DTNB: variants seen among roughly 807,000 people sequenced by gnomAD.
The protein encoded by DTNB is dystrobrevin beta.
Under a neutral mutation model 90.7 loss-of-function variants are expected in DTNB, and 63 were observed. The observed-to-expected ratio is 0.69, with a 90% CI of 0.57 to 0.86. The LOEUF is 0.86. Ranked by LOEUF, DTNB falls within the 40% of genes least tolerant of loss-of-function variation. The pLI is 0.00. For missense variants in DTNB, 744 were observed against 807.1 expected, an observed-to-expected ratio of 0.92 and a Z score of 0.95; for synonymous variants, 277 against 286.7, an observed-to-expected ratio of 0.97 and a Z score of 0.34.
intron 3 of DTNB, among the ~76,000 whole-genome samples, chr2:25,632,530 A>C (rs1468021919): frequency 6.6e-6 from 1 of 152,148 alleles, no homozygotes; most frequent in Non-Finnish European, 1.5e-5. Flanking sequence ...GCCTTCATCC[A>C]CCCATGGATT....
chr2:25,652,510 TG>T (rs1238311475), intron 2 of DTNB, 83 bp downstream of exon 2: 19 of 1,383,158 alleles, frequency 1.4e-5, no homozygotes, highest in Admixed American at 7.1e-5. Flanking sequence ...AAGTTGTAAC[TG>T]ATTAAAGCTA....
intron 14 of DTNB, among the ~76,000 whole-genome samples, chr2:25,428,961 A>G (rs77556930): frequency 0.018 from 2,754 of 152,296 alleles, 66 homozygotes; most frequent in African/African-American, 0.063. Flanking sequence ...AAACAAAGCT[A>G]TGTTCATTTC....
intron 12 of DTNB, among the ~76,000 whole-genome samples, chr2:25,439,626 G>A (rs1246690809): frequency 1.3e-5 from 2 of 152,128 alleles, no homozygotes; most frequent in Non-Finnish European, 1.5e-5. Flanking sequence ...TTGGCTACTC[G>A]GTGGAGAATT....
intron 9 of DTNB, among the ~76,000 whole-genome samples, chr2:25,529,831 G>T (rs2077818686): frequency 6.6e-6 from 1 of 152,114 alleles, no homozygotes; most frequent in Non-Finnish European, 1.5e-5. Flanking sequence ...TTTAACCCTT[G>T]ATCAATCTCA....
chr2:25,558,400 G>C (rs2057719369), intron 8 of DTNB: 2 of 985,276 alleles, frequency 2.0e-6, no homozygotes, highest in Admixed American at 1.2e-4. Flanking sequence ...TGCAGCTCTG[G>C]TGGCCATCTG....
chr2:25,669,702 C>G (rs80003718), intron 1 of DTNB, among the ~76,000 whole-genome samples: 1 of 152,082 alleles, frequency 6.6e-6, no homozygotes, highest in Non-Finnish European at 1.5e-5. Context: ...AGTCCACAAC[C>G]GGGCCAGGTG....
intron 5 of DTNB, among the ~76,000 whole-genome samples, chr2:25,597,703 C>A (rs2148421006): frequency 6.6e-6 from 1 of 152,146 alleles, no homozygotes; most frequent in East Asian, 1.9e-4. Flanking sequence ...TAAAAGATGA[C>A]CCTAGTAGAA....
intron 9 of DTNB, among the ~76,000 whole-genome samples, chr2:25,517,130 C>A (rs1390112536): frequency 6.6e-6 from 1 of 152,082 alleles, no homozygotes; most frequent in African/African-American, 2.4e-5. Context: ...AAAAGAATGA[C>A]CTATTTATTC....
intron 4 of DTNB, among the ~76,000 whole-genome samples, chr2:25,610,082 T>C (rs1278300394): frequency 2.0e-5 from 3 of 152,080 alleles, no homozygotes; most frequent in African/African-American, 7.3e-5. Flanking sequence ...GTGTGAAGTC[T>C]GACTTAGGTG....
intron 16 of DTNB, among the ~76,000 whole-genome samples, chr2:25,404,240 A>G (rs1377495747): frequency 1.3e-5 from 2 of 152,192 alleles, no homozygotes; most frequent in African/African-American, 4.8e-5. Flanking sequence ...ACGGGATGTA[A>G]CAGGTGCCAC....
chr2:25,435,793 A>G (rs2055547681), intron 12 of DTNB, among the ~76,000 whole-genome samples: 1 of 152,234 alleles, frequency 6.6e-6, no homozygotes, highest in South Asian at 2.1e-4. Context: ...AGAAACTGCC[A>G]AACTGTTTTC....
rs60610400 is a variant in DTNB, at chr2:25,432,206, TACACACACAC to T, written c.1457+670_1457+679del. The stretch of plus-strand genomic sequence containing the variant: ...ATGTCTTAACTTACAGAAGAGTGCG[TACACACACAC>T]ACACACACACACACACACACACACA... On this transcript the variant is annotated intron_variant, in intron 14 of 20. Transcript: ENST00000406818. 1.8e-3 allele frequency among the ~76,000 whole-genome samples: 264 copies of T among 146,432 alleles called. 4 individuals are homozygous for T. In the Middle Eastern group the frequency reaches 0.073, roughly 41 times the overall value.
intron 9 of DTNB, among the ~76,000 whole-genome samples, chr2:25,483,450 T>G (rs2065411781): frequency 6.6e-6 from 1 of 152,208 alleles, no homozygotes; most frequent in Non-Finnish European, 1.5e-5. Flanking sequence ...AAATAAAGAC[T>G]CTGGAACAAA....
At chr2:25,389,267 G>A (rs570877849) in intron 16 of DTNB, among the ~76,000 whole-genome samples, 23 of 152,278 alleles carry the variant, frequency 1.5e-4, no homozygotes, top group Non-Finnish European at 2.9e-4. Flanking sequence ...AAGGGTGGCA[G>A]TGTGCACTCT....
intron 8 of DTNB, among the ~76,000 whole-genome samples, chr2:25,564,829 A>G (rs1336792239): frequency 6.6e-6 from 1 of 152,208 alleles, no homozygotes; most frequent in African/African-American, 2.4e-5. Flanking sequence ...TTCATTGTCA[A>G]TATAGAGAAA....
At chr2:25,587,577 AGTGGGGAAGCG>A (rs2062693846) in intron 6 of DTNB, among the ~76,000 whole-genome samples, 1 of 152,130 alleles carries the variant, frequency 6.6e-6, no homozygotes, top group Admixed American at 6.5e-5. Context: ...ATGAATCATC[AGTGGGGAAGCG>A]GGGGGAAGGG....
At chr2:25,655,818 G>T (rs12621584) in intron 1 of DTNB, among the ~76,000 whole-genome samples, 66,966 of 151,900 alleles carry the variant, frequency 0.44, 15,849 homozygotes, top group East Asian at 0.77. Context: ...TTTTGTTCCC[G>T]GCATGGCACG....
At chr2:25,517,814 C>G (rs141139485) in intron 9 of DTNB, among the ~76,000 whole-genome samples, 1 of 152,096 alleles carries the variant, frequency 6.6e-6, no homozygotes, top group Non-Finnish European at 1.5e-5. Context: ...ATCTTACCAA[C>G]GGTGGATGAA....
intron 6 of DTNB, among the ~76,000 whole-genome samples, chr2:25,591,491 T>C (rs955559085): frequency 1.3e-5 from 2 of 152,178 alleles, no homozygotes; most frequent in African/African-American, 4.8e-5. Context: ...AGGAGAAATA[T>C]TGCATTTTCC....
Sources: allele counts gnomAD v4.1 joint callset (sites outside exome capture counted in the v4.1 genomes callset), GRCh38; gene constraint gnomAD v4.1.1; transcripts MANE v1.5; gene names NCBI Gene and HGNC (gene_info 2026-07-23, HGNC 2026-07-21).